TACR1: variants seen among roughly 807,000 people sequenced by gnomAD.
TACR1 encodes substance-P receptor.
TACR1 carries 25 observed loss-of-function variants against 35.8 expected under a neutral mutation model. That is an observed-to-expected ratio of 0.70 (90% CI 0.51 to 0.98). TACR1 has a LOEUF of 0.98. TACR1 is among the 50% of genes least tolerant of loss of function. The pLI is 0.00. For synonymous variants in TACR1, 195 were observed against 206.7 expected (o/e 0.94, Z 0.48); for missense variants, 478 against 522.9 (o/e 0.91, Z 0.84).
At chr2:75,080,636 A>G (rs1220581996) in intron 2 of TACR1, among the ~76,000 whole-genome samples, 8 of 152,172 alleles carry the variant, frequency 5.3e-5, no homozygotes, top group Admixed American at 1.3e-4. Flanking sequence ...CCTTCATTCA[A>G]GCTCTTCTAT....
intron 2 of TACR1, among the ~76,000 whole-genome samples, chr2:75,088,670 A>G (rs1673235373): frequency 6.6e-6 from 1 of 151,932 alleles, no homozygotes. Flanking sequence ...TCCTCCTTCT[A>G]GCAGGTGGAG....
intron 4 of TACR1, among the ~76,000 whole-genome samples, chr2:75,050,071 C>T (rs1248556349): frequency 6.6e-6 from 1 of 152,198 alleles, no homozygotes; most frequent in Non-Finnish European, 1.5e-5. Context: ...TTACTATGTG[C>T]ACAGCACTGT....
intron 1 of TACR1, among the ~76,000 whole-genome samples, chr2:75,167,803 A>G (rs780676832): frequency 3.9e-5 from 6 of 152,204 alleles, no homozygotes; most frequent in Admixed American, 1.3e-4. Flanking sequence ...ATCTTATAGT[A>G]AAAGAGTTAA....
intron 2 of TACR1, among the ~76,000 whole-genome samples, chr2:75,080,152 T>C (rs1673056102): frequency 6.6e-6 from 1 of 152,198 alleles, no homozygotes; most frequent in Non-Finnish European, 1.5e-5. Flanking sequence ...CAACTAGAAC[T>C]TTCTAATTAA....
chr2:75,099,624 G>A (rs12713829), intron 2 of TACR1, among the ~76,000 whole-genome samples: 96,299 of 152,014 alleles, frequency 0.63, 31,053 homozygotes, highest in African/African-American at 0.7. Flanking sequence ...CTGAACCCAG[G>A]GAGAGGTTTG....
At chr2:75,176,985 A>AC (rs1675435401) in intron 1 of TACR1, among the ~76,000 whole-genome samples, 1 of 151,898 alleles carries the variant, frequency 6.6e-6, no homozygotes, top group South Asian at 2.1e-4. Flanking sequence ...GATTTCCTTC[A>AC]CCTTTTCACT....
intron 1 of TACR1, among the ~76,000 whole-genome samples, chr2:75,150,229 A>G (rs1674640574): frequency 6.6e-6 from 1 of 152,232 alleles, no homozygotes; most frequent in Non-Finnish European, 1.5e-5. Context: ...TTGCCCTTGA[A>G]AAGCTCAGAA....
At chr2:75,050,076 C>T (rs1399765482) in intron 4 of TACR1, among the ~76,000 whole-genome samples, 1 of 152,224 alleles carries the variant, frequency 6.6e-6, no homozygotes, top group Non-Finnish European at 1.5e-5. Flanking sequence ...ATGTGCACAG[C>T]ACTGTGCTAG....
intron 2 of TACR1, among the ~76,000 whole-genome samples, chr2:75,073,094 A>G (rs1672913926): frequency 6.6e-6 from 1 of 152,358 alleles, no homozygotes; most frequent in South Asian, 2.1e-4. Context: ...ATAAGAGGAA[A>G]ACCTCACTAC....
rs1001850144 is a variant in TACR1, at chr2:75,184,748, A to G, written c.389+13798T>C. Among the ~76,000 whole-genome samples the G allele has an allele frequency of 5.9e-5, 9 of 151,474 alleles. No individual in the cohort carries two copies. The South Asian group carries it at 8.3e-4, about 14-fold the overall frequency. Reference sequence around the variant, plus strand: ...CAACATATGTGGTAATATGATATATATTAGGTTCTATATTATGTATTATGC... The same window carrying G: ...CAACATATGTGGTAATATGATATATGTTAGGTTCTATATTATGTATTATGC... On this transcript the variant is annotated intron_variant, in intron 1 of 4. Transcript: ENST00000305249.
chr2:75,066,501 G>A (rs1230525551), intron 2 of TACR1, among the ~76,000 whole-genome samples: 1 of 152,166 alleles, frequency 6.6e-6, no homozygotes, highest in Non-Finnish European at 1.5e-5. Context: ...TTGAAAAATT[G>A]TGTAGCTTAA....
At chr2:75,105,094 G>A (rs527499548) in intron 2 of TACR1, among the ~76,000 whole-genome samples, 177 of 152,184 alleles carry the variant, frequency 1.2e-3, no homozygotes, top group African/African-American at 4.0e-3. Context: ...TTCCATGTTT[G>A]TTGCAGCATT....
At chr2:75,161,579 G>A (rs17010836) in intron 1 of TACR1, among the ~76,000 whole-genome samples, 2,532 of 152,118 alleles carry the variant, frequency 0.017, 38 homozygotes, top group African/African-American at 0.031. Context: ...AACAGAATGC[G>A]CAACTTTCAA....
At position 75,073,321 on chromosome 2, in the gene TACR1, TCA is replaced by T. The variant is rs34673827; in HGVS notation, c.585-19568_585-19567del. On this transcript the variant is annotated intron_variant, in intron 2 of 4. Coordinates refer to ENST00000305249, the MANE Select transcript of TACR1 (RefSeq NM_001058.4). ...TGTGTGGACACTCTCAGTGGAATTC[TCA>T]CACAGTCACTTTATTTCTAAGAGGA... Among the ~76,000 whole-genome samples, 566 of 152,352 alleles carry T rather than the reference TCA, an allele frequency of 3.7e-3. 1 individual carries two copies. The highest frequency in any genetic ancestry group is 6.0e-3 in the Non-Finnish European group (406 of 68,032).
At chr2:75,091,935 A>G (rs545150362) in intron 2 of TACR1, among the ~76,000 whole-genome samples, 12 of 152,354 alleles carry the variant, frequency 7.9e-5, no homozygotes, top group Admixed American at 5.2e-4. Flanking sequence ...TGTAAGCCTC[A>G]GTTTACAAAC....
chr2:75,150,866 C>T (rs926558749), intron 1 of TACR1, among the ~76,000 whole-genome samples: 1 of 152,130 alleles, frequency 6.6e-6, no homozygotes, highest in African/African-American at 2.4e-5. Flanking sequence ...GCAATATGGA[C>T]AATAAAATCC....
intron 3 of TACR1, 70 bp from the exon 4 acceptor site, chr2:75,051,517 C>A (rs1299152482): frequency 2.5e-6 from 4 of 1,586,012 alleles, no homozygotes; most frequent in African/African-American, 2.7e-5. Flanking sequence ...CCTCTCTCCT[C>A]CCACGCCCTC....
At chr2:75,159,570 T>G (rs979379464) in intron 1 of TACR1, among the ~76,000 whole-genome samples, 2 of 152,218 alleles carry the variant, frequency 1.3e-5, no homozygotes, top group African/African-American at 4.8e-5. Flanking sequence ...TACCATCTTT[T>G]TTTAGTCAAT....
chr2:75,070,214 TA>T (rs1431585625), intron 2 of TACR1, among the ~76,000 whole-genome samples: 5 of 134,192 alleles, frequency 3.7e-5, no homozygotes, highest in African/African-American at 1.6e-4. Context: ...CCCAACATTG[TA>T]TGTATGTGTG....
Sources: gnomAD v4.1 joint callset for allele counts (sites outside exome capture counted in the v4.1 genomes callset) on GRCh38, gnomAD v4.1.1 for gene constraint, MANE v1.5 for transcripts, NCBI Gene and HGNC (gene_info 2026-07-23, HGNC 2026-07-21) for gene names.